ACAP2: variants seen among roughly 807,000 people sequenced by gnomAD.
ACAP2 encodes arf-GAP with coiled-coil, ANK repeat and PH domain-containing protein 2.
ACAP2 carries 39 observed loss-of-function variants against 115.8 expected under a neutral mutation model. That is an observed-to-expected ratio of 0.34 (90% CI 0.26 to 0.44). ACAP2 has a LOEUF of 0.44. Among genes scored for constraint, ACAP2 ranks in the 20% least tolerant of loss-of-function variants. The pLI, the probability that ACAP2 is intolerant of heterozygous loss-of-function variation, is 1.00. For missense variants in ACAP2, 662 were observed against 927.6 expected (o/e 0.71, Z 3.72); for synonymous variants, 289 against 315.8 (o/e 0.92, Z 0.90).
Position 195,377,892 on chromosome 3 carries a change from G to A in ACAP2, c.285+3117C>T, listed in dbSNP as rs556644068. Among the ~76,000 whole-genome samples the A allele has an allele frequency of 3.3e-5, 5 of 152,280 alleles. No homozygotes were observed. The South Asian group carries it at 6.2e-4, about 19-fold the overall frequency. ...GTTCTTCATGTATAGAAACATGTAC[G>A]TAAACACAAACAAGCTGACCAACAT... is the stretch of plus-strand genomic sequence containing the variant. On this transcript the variant is annotated intron_variant, in intron 4 of 22. Coordinates refer to ENST00000326793, the MANE Select transcript of ACAP2 (RefSeq NM_012287.6).
Position 195,274,918 on chromosome 3 carries a change from A to C in ACAP2, c.*4410T>G, listed in dbSNP as rs1442890883. The C allele has an allele frequency of 6.6e-6, 1 of 152,664 alleles. No homozygotes were observed. 9.5% of individuals were successfully genotyped at this position (152,664 alleles called of 1,614,324 possible). A position where few individuals can be genotyped will look rare whatever the true frequency, so the allele number is the denominator to read the frequency against. On this transcript the variant is annotated 3_prime_UTR_variant, in exon 23 of 23. Transcript: ENST00000326793. ...CATGAATTAGATACAAATCCTCTACATACTAATAAAAAGTAAATGGACTGT... is the reference window on the plus strand; with the variant it reads ...CATGAATTAGATACAAATCCTCTACCTACTAATAAAAAGTAAATGGACTGT...
chr3:195,441,778 A>T (rs1716012296), intron 1 of ACAP2: 1 of 152,186 alleles, frequency 6.6e-6, no homozygotes, highest in African/African-American at 2.4e-5. Context: ...ACACTGTAAA[A>T]CGCAACCTAG....
intron 1 of ACAP2, among the ~76,000 whole-genome samples, chr3:195,415,317 T>C (rs558875632): frequency 2.0e-3 from 305 of 151,210 alleles, no homozygotes; most frequent in Middle Eastern, 6.8e-3. Flanking sequence ...TCTTGCTCTG[T>C]TGCCAGGCTG....
intron 21 of ACAP2, among the ~76,000 whole-genome samples, chr3:195,286,322 T>C (rs1408548301): frequency 4.6e-5 from 7 of 152,188 alleles, no homozygotes; most frequent in Non-Finnish European, 1.0e-4. Context: ...GGAATATATT[T>C]TGATATACAA....
intron 1 of ACAP2, among the ~76,000 whole-genome samples, chr3:195,423,622 C>CAA (rs59649323): frequency 9.3e-4 from 86 of 92,524 alleles, no homozygotes; most frequent in Admixed American, 2.2e-3. Flanking sequence ...GACTCCGTCT[C>CAA]AAAAAAAAAA....
At chr3:195,309,819 T>C (rs1485602087) in intron 10 of ACAP2, among the ~76,000 whole-genome samples, 1 of 152,110 alleles carries the variant, frequency 6.6e-6, no homozygotes, top group Non-Finnish European at 1.5e-5. Context: ...TGTAAATTAT[T>C]AGACAAACAA....
intron 15 of ACAP2, among the ~76,000 whole-genome samples, chr3:195,300,323 G>A (rs1395297879): frequency 6.6e-6 from 1 of 152,062 alleles, no homozygotes; most frequent in African/African-American, 2.4e-5. Flanking sequence ...GGGATTACAG[G>A]CATGAGCCAC....
chr3:195,391,505 C>T (rs1331111788), intron 2 of ACAP2, among the ~76,000 whole-genome samples: 1 of 151,842 alleles, frequency 6.6e-6, no homozygotes, highest in Non-Finnish European at 1.5e-5. Context: ...GGATTACAGG[C>T]GTGAGCCACC....
chr3:195,304,005 C>G (rs1281424250), intron 13 of ACAP2, among the ~76,000 whole-genome samples: 1 of 149,070 alleles, frequency 6.7e-6, no homozygotes, highest in African/African-American at 2.5e-5. Context: ...ACTAAAAATA[C>G]AAAAAAAAAT....
Position 195,409,519 on chromosome 3 carries a change from C to T in ACAP2, c.54-17372G>A, listed in dbSNP as rs932388126. Among the ~76,000 whole-genome samples the T allele has an allele frequency of 2.0e-5, 3 of 151,994 alleles. No homozygotes were observed. In the South Asian group the frequency reaches 6.2e-4, roughly 32 times the overall value. On this transcript the variant is annotated intron_variant, in intron 1 of 22. Transcript: ENST00000326793. Reference sequence around the variant, plus strand: ...CTTAATATTGTTAAGATGTCAATTACCCAAAGCCTTCTACAGATTTAATGC... The same window carrying T: ...CTTAATATTGTTAAGATGTCAATTATCCAAAGCCTTCTACAGATTTAATGC...
intron 5 of ACAP2, among the ~76,000 whole-genome samples, chr3:195,344,151 G>A (rs1234511784): frequency 6.6e-6 from 1 of 152,150 alleles, no homozygotes. Context: ...CCAGGAATTC[G>A]AGGTTACAGT....
At chr3:195,439,056 T>C (rs1479875859) in intron 1 of ACAP2, among the ~76,000 whole-genome samples, 1 of 133,704 alleles carries the variant, frequency 7.5e-6, no homozygotes, top group African/African-American at 2.8e-5. Flanking sequence ...AGCAGAACTC[T>C]ATCTCAAAAA....
intron 13 of ACAP2, among the ~76,000 whole-genome samples, chr3:195,304,392 AAC>A (rs1728285622): frequency 6.6e-6 from 1 of 152,188 alleles, no homozygotes; most frequent in Admixed American, 6.5e-5. Flanking sequence ...TAAGTACACA[AAC>A]ACAGCAAAAC....
intron 1 of ACAP2, among the ~76,000 whole-genome samples, chr3:195,436,853 GAAAAT>G (rs747750091): frequency 5.3e-5 from 8 of 151,992 alleles, no homozygotes; most frequent in Non-Finnish European, 1.0e-4. Flanking sequence ...TCATTAGGAA[GAAAAT>G]AAAATTAGAT....
intron 2 of ACAP2, among the ~76,000 whole-genome samples, chr3:195,389,551 TG>T (rs1275856898): frequency 6.6e-6 from 1 of 152,178 alleles, no homozygotes; most frequent in Non-Finnish European, 1.5e-5. Flanking sequence ...TAGAAGGACT[TG>T]CCCCTCTACA....
intron 8 of ACAP2, among the ~76,000 whole-genome samples, chr3:195,329,079 CAAAAA>C (rs57471736): frequency 1.1e-5 from 1 of 93,846 alleles, no homozygotes; most frequent in African/African-American, 4.3e-5. Flanking sequence ...GACTCCGTCT[CAAAAA>C]AAAAAAAAAA....
At chr3:195,330,412 G>A (rs1344503980) in intron 8 of ACAP2, among the ~76,000 whole-genome samples, 1 of 151,934 alleles carries the variant, frequency 6.6e-6, no homozygotes, top group East Asian at 1.9e-4. Flanking sequence ...CTAGAGAGGG[G>A]GTAAACCTAT....
At chr3:195,378,719 GGCATGGT>G (rs753451044) in intron 4 of ACAP2, among the ~76,000 whole-genome samples, 12 of 151,726 alleles carry the variant, frequency 7.9e-5, no homozygotes, top group Non-Finnish European at 1.5e-4. Flanking sequence ...AAATTAGCCA[GGCATGGT>G]GGTACATGCC....
At chr3:195,295,993 G>C in intron 16 of ACAP2, 101 bp from the exon 17 acceptor site, 1 of 909,704 alleles carries the variant, frequency 1.1e-6, no homozygotes, top group Non-Finnish European at 1.6e-6. Context: ...CAAAGTCACT[G>C]AATGTAATAC....
Sources: allele counts gnomAD v4.1 joint callset (sites outside exome capture counted in the v4.1 genomes callset), GRCh38; gene constraint gnomAD v4.1.1; transcripts MANE v1.5; gene names NCBI Gene and HGNC (gene_info 2026-07-23, HGNC 2026-07-21).